Variants in PPM1E observed in about 807,000 individuals in gnomAD.
PPM1E encodes the protein protein phosphatase, Mg2+/Mn2+ dependent 1E.
Under a neutral mutation model 65.9 loss-of-function variants are expected in PPM1E, and 20 were observed. The observed-to-expected ratio is 0.30, with a 90% confidence interval of 0.21 to 0.44. The LOEUF is 0.44. Among genes scored for constraint, PPM1E ranks in the 20% least tolerant of loss-of-function variants. The pLI, the probability that PPM1E is intolerant of heterozygous loss-of-function variation, is 1.00. For synonymous variants in PPM1E, 352 were observed against 374.9 expected, an observed-to-expected ratio of 0.94 and a Z score of 0.70; for missense variants, 713 against 953.1, an observed-to-expected ratio of 0.75 and a Z score of 3.32.
At chr17:58,923,710 G>A (rs1354366871) in intron 1 of PPM1E, among the ~76,000 whole-genome samples, 3 of 144,916 alleles carry the variant, frequency 2.1e-5, no homozygotes, top group Non-Finnish European at 4.5e-5. Context: ...TCGCACTACT[G>A]CACTCCAGCC....
intron 1 of PPM1E, among the ~76,000 whole-genome samples, chr17:58,929,039 G>A (rs1281725042): frequency 2.6e-5 from 4 of 151,920 alleles, no homozygotes; most frequent in Admixed American, 2.0e-4. Flanking sequence ...TATTCATCAT[G>A]GCCCCAAAGT....
chr17:58,789,447 T>C (rs2050135019), intron 1 of PPM1E, among the ~76,000 whole-genome samples: 1 of 152,192 alleles, frequency 6.6e-6, no homozygotes, highest in Non-Finnish European at 1.5e-5. Flanking sequence ...CATTGCCTTC[T>C]AACTTTATTT....
chr17:58,839,443 C>T (rs36071323), intron 1 of PPM1E, among the ~76,000 whole-genome samples: 37,697 of 151,938 alleles, frequency 0.25, 5,442 homozygotes, highest in Middle Eastern at 0.42. Context: ...ACAACCTCAC[C>T]GAAGGGATGG....
In PPM1E at chr17:58,980,278, G is replaced by A. The variant is rs541132971; in HGVS notation, c.1515G>A (p.Glu505=). ...TTAGTGAGGAATCAGATTGGACAGA[G>A]AACTCTTTTCAAGGAGGGCAAGAAG... The part of the protein sequence containing the change: ...VNVSEESDWT[E]NSFQGGQEDG... Residue 505 remains glutamate (E), a synonymous_variant, in exon 7 of 7, where the codon GAG becomes GAA. Transcript: ENST00000308249. The surrounding 1 kb of genome is among the most constrained non-coding windows in gnomAD (Gnocchi z 4.7). 4 of 1,614,194 alleles carry A rather than the reference G, an allele frequency of 2.5e-6. No homozygotes were observed. The highest frequency in any genetic ancestry group is 3.4e-6 in the Non-Finnish European group (4 of 1,180,028).
chr17:58,854,205 T>G (rs1398426118), intron 1 of PPM1E, among the ~76,000 whole-genome samples: 1 of 152,214 alleles, frequency 6.6e-6, no homozygotes, highest in Non-Finnish European at 1.5e-5. Context: ...CTTGTCAGAT[T>G]GTTCACATTT....
chr17:58,845,640 C>T (rs530127078), intron 1 of PPM1E, among the ~76,000 whole-genome samples: 1 of 152,238 alleles, frequency 6.6e-6, no homozygotes, highest in South Asian at 2.1e-4. Flanking sequence ...ATGTCCTCAT[C>T]AAGGTTCACT....
In PPM1E at chr17:58,982,169, T is replaced by G. The variant is rs1480637351; in HGVS notation, c.*1138T>G. 1.3e-5 allele frequency: 2 copies of G among 152,642 alleles called. No homozygotes were observed. The highest frequency in any genetic ancestry group is 2.4e-5 in the African/African-American group (1 of 41,454). The allele number at this position is 152,642 out of a possible 1,614,324, so 9.5% of individuals were successfully genotyped here. On this transcript the variant is annotated 3_prime_UTR_variant, in exon 7 of 7. Transcript: ENST00000308249. ...TGTTTAGTTGTAATTGGAAGACACA[T>G]GAGTGTCCTGCTTACATGTAGCTTC...
intron 1 of PPM1E, among the ~76,000 whole-genome samples, chr17:58,872,246 G>A (rs945344953): frequency 4.0e-5 from 6 of 151,702 alleles, no homozygotes; most frequent in South Asian, 4.2e-4. Context: ...GCAGTGAGCC[G>A]AGATTGCACC....
At chr17:58,914,032 T>G (rs1389564946) in intron 1 of PPM1E, among the ~76,000 whole-genome samples, 1 of 152,182 alleles carries the variant, frequency 6.6e-6, no homozygotes, top group Non-Finnish European at 1.5e-5. Context: ...CTATAGTTCA[T>G]TCCGCCCAGG....
chr17:58,885,577 CT>C (rs1265102417), intron 1 of PPM1E, among the ~76,000 whole-genome samples: 1 of 152,128 alleles, frequency 6.6e-6, no homozygotes. Flanking sequence ...TGAAGAGGAT[CT>C]TTTCTCTCAG....
At chr17:58,862,901 C>A (rs2050958009) in intron 1 of PPM1E, among the ~76,000 whole-genome samples, 1 of 152,094 alleles carries the variant, frequency 6.6e-6, no homozygotes, top group African/African-American at 2.4e-5. Flanking sequence ...TTTTCTTGTT[C>A]TTTTTTGGAG....
intron 1 of PPM1E, among the ~76,000 whole-genome samples, chr17:58,929,216 G>A (rs1454598161): frequency 6.6e-6 from 1 of 151,920 alleles, no homozygotes; most frequent in Non-Finnish European, 1.5e-5. Context: ...AAGAAAACAG[G>A]CTATATGAAT....
At chr17:58,879,784 C>T (rs960519122) in intron 1 of PPM1E, among the ~76,000 whole-genome samples, 24 of 152,136 alleles carry the variant, frequency 1.6e-4, no homozygotes, top group African/African-American at 5.1e-4. Flanking sequence ...GGTGGGATTA[C>T]AGGCGTGAGC....
chr17:58,868,056 G>A (rs143346780), intron 1 of PPM1E, among the ~76,000 whole-genome samples: 3 of 152,250 alleles, frequency 2.0e-5, no homozygotes, highest in East Asian at 3.9e-4. Flanking sequence ...GGGGCCAGGC[G>A]CAGTGGTTCA....
intron 1 of PPM1E, among the ~76,000 whole-genome samples, chr17:58,763,572 A>G (rs929025363): frequency 6.6e-6 from 1 of 152,118 alleles, no homozygotes; most frequent in Non-Finnish European, 1.5e-5. Flanking sequence ...GCTAGTTTGG[A>G]CATGTCTCCT....
intron 1 of PPM1E, among the ~76,000 whole-genome samples, chr17:58,904,312 A>G (rs935629532): frequency 1.3e-5 from 2 of 152,180 alleles, no homozygotes; most frequent in East Asian, 3.8e-4. Flanking sequence ...TACACAGAAT[A>G]AGTGGTATAG....
At chr17:58,882,779 GA>G (rs1372598147) in intron 1 of PPM1E, among the ~76,000 whole-genome samples, 2 of 152,128 alleles carry the variant, frequency 1.3e-5, no homozygotes, top group Admixed American at 1.3e-4. Flanking sequence ...ATGTTCCACA[GA>G]GGTTTATTTA....
intron 1 of PPM1E, among the ~76,000 whole-genome samples, chr17:58,946,761 T>C (rs1240985895): frequency 6.6e-6 from 1 of 152,196 alleles, no homozygotes; most frequent in Non-Finnish European, 1.5e-5. Context: ...GCAAATATTT[T>C]CTACCAGTCT....
At chr17:58,919,738 G>C (rs2051728711) in intron 1 of PPM1E, among the ~76,000 whole-genome samples, 2 of 150,230 alleles carry the variant, frequency 1.3e-5, no homozygotes, top group Non-Finnish European at 3.0e-5. Context: ...AGTGAGCCGA[G>C]ATCACACCAT....
Sources: gnomAD v4.1 joint callset for allele counts (sites outside exome capture counted in the v4.1 genomes callset) on GRCh38, gnomAD v4.1.1 for gene constraint, Gnocchi (gnomAD v3.1) non-coding constraint, MANE v1.5 for transcripts, NCBI Gene and HGNC (gene_info 2026-07-23, HGNC 2026-07-21) for gene names.